The following DAB1 variants were observed in gnomAD, a reference collection of about 807,000 sequenced individuals.
The protein encoded by DAB1 is disabled homolog 1.
A neutral mutation model predicts 64.6 loss-of-function variants in DAB1; 15 were observed. That is an observed-to-expected ratio of 0.23 (90% CI 0.16 to 0.36). The LOEUF (loss-of-function observed/expected upper bound fraction) is 0.36. DAB1 is among the 10% of genes least tolerant of loss of function. The pLI, the probability that DAB1 is intolerant of heterozygous loss-of-function variation, is 1.00. For synonymous variants in DAB1, 235 were observed against 251.9 expected, an observed-to-expected ratio of 0.93 and a Z score of 0.64; for missense variants, 596 against 706.7, an observed-to-expected ratio of 0.84 and a Z score of 1.78.
At chr1:57,449,158 TC>T (rs1317249374) in intron 7 of DAB1, among the ~76,000 whole-genome samples, 2 of 152,088 alleles carry the variant, frequency 1.3e-5, no homozygotes, top group Non-Finnish European at 2.9e-5. Flanking sequence ...AACATAATGA[TC>T]CCACACTTCA....
At chr1:57,029,385 C>T (rs769008471) in intron 9 of DAB1, among the ~76,000 whole-genome samples, 2 of 152,204 alleles carry the variant, frequency 1.3e-5, no homozygotes, top group Non-Finnish European at 2.9e-5. Context: ...AGGAAAACTC[C>T]TGCTAGGGCA....
chr1:57,594,659 T>A (rs1055912764), intron 7 of DAB1, among the ~76,000 whole-genome samples: 7 of 152,162 alleles, frequency 4.6e-5, no homozygotes, highest in African/African-American at 1.4e-4. Context: ...AAATTTTCAA[T>A]CCAAGACGTT....
At chr1:57,556,695 T>C (rs765947344) in intron 7 of DAB1, among the ~76,000 whole-genome samples, 2 of 152,174 alleles carry the variant, frequency 1.3e-5, no homozygotes, top group Non-Finnish European at 2.9e-5. Context: ...TTGTTAGACA[T>C]ACAGATTGTG....
At chr1:58,050,513 T>G (rs1178120090) in intron 5 of DAB1, among the ~76,000 whole-genome samples, 1 of 152,054 alleles carries the variant, frequency 6.6e-6, no homozygotes, top group Non-Finnish European at 1.5e-5. Context: ...ATTAACCTCA[T>G]TGCTTTATTT....
At chr1:57,534,546 A>G (rs1264257612) in intron 7 of DAB1, among the ~76,000 whole-genome samples, 2 of 152,188 alleles carry the variant, frequency 1.3e-5, no homozygotes, top group African/African-American at 4.8e-5. Flanking sequence ...ATACTTGACC[A>G]TAGGCATCAC....
chr1:57,488,862 G>T (rs969355359), intron 7 of DAB1, among the ~76,000 whole-genome samples: 1 of 151,860 alleles, frequency 6.6e-6, no homozygotes, highest in Non-Finnish European at 1.5e-5. Flanking sequence ...TAATAATATC[G>T]ATTTTGAAGT....
intron 4 of DAB1, among the ~76,000 whole-genome samples, chr1:57,078,719 G>A (rs1652211514): frequency 6.6e-6 from 1 of 152,142 alleles, no homozygotes; most frequent in South Asian, 2.1e-4. Flanking sequence ...GCCATTATAG[G>A]TGTTTTGTTA....
At chr1:57,656,352 TTGTG>T (rs148466319) in intron 6 of DAB1, among the ~76,000 whole-genome samples, 1 of 151,756 alleles carries the variant, frequency 6.6e-6, no homozygotes, top group South Asian at 2.1e-4. Context: ...GCAAAAGTAA[TTGTG>T]TGTGTGTGTG....
At chr1:58,172,965 A>T (rs112410621) in intron 4 of DAB1, among the ~76,000 whole-genome samples, 28,913 of 152,252 alleles carry the variant, frequency 0.19, 2,944 homozygotes, top group East Asian at 0.37. Flanking sequence ...GAAATTATGG[A>T]GTTATTGCAC....
chr1:57,578,483 A>G (rs1452445006), intron 7 of DAB1, among the ~76,000 whole-genome samples: 1 of 152,200 alleles, frequency 6.6e-6, no homozygotes, highest in Non-Finnish European at 1.5e-5. Flanking sequence ...CAGGCTGGAC[A>G]CTTATCTTCA....
intron 3 of DAB1, among the ~76,000 whole-genome samples, chr1:58,443,114 C>T (rs2100272623): frequency 6.6e-6 from 1 of 152,290 alleles, no homozygotes; most frequent in South Asian, 2.1e-4. Context: ...TGCATCCAGC[C>T]CCTGCCACTT....
chr1:58,238,896 C>T (rs1660166784), intron 4 of DAB1, among the ~76,000 whole-genome samples: 1 of 152,162 alleles, frequency 6.6e-6, no homozygotes, highest in African/African-American at 2.4e-5. Context: ...AACAGATACA[C>T]TTACATGAGG....
chr1:57,599,257 C>T (rs1266249743), intron 7 of DAB1, among the ~76,000 whole-genome samples: 1 of 151,142 alleles, frequency 6.6e-6, no homozygotes, highest in South Asian at 2.1e-4. Context: ...AGTGAAATGA[C>T]CTATGAGCAA....
intron 7 of DAB1, among the ~76,000 whole-genome samples, chr1:57,430,990 A>G (rs1397426496): frequency 6.6e-6 from 1 of 152,020 alleles, no homozygotes; most frequent in Non-Finnish European, 1.5e-5. Flanking sequence ...GATGAACGCT[A>G]TGACAATGCC....
At chr1:57,868,826 A>G (rs1654414765) in intron 1 of DAB1, among the ~76,000 whole-genome samples, 1 of 152,058 alleles carries the variant, frequency 6.6e-6, no homozygotes, top group Admixed American at 6.6e-5. Flanking sequence ...ACTCTTCCTT[A>G]TTGGTACCCA....
At chr1:57,516,625 A>T (rs1203566130) in intron 7 of DAB1, among the ~76,000 whole-genome samples, 1 of 152,144 alleles carries the variant, frequency 6.6e-6, no homozygotes, top group Non-Finnish European at 1.5e-5. Context: ...TTTCCTACAG[A>T]ATGAAGTTCA....
At chr1:57,732,290 G>A (rs1277979235) in intron 6 of DAB1, among the ~76,000 whole-genome samples, 1 of 152,192 alleles carries the variant, frequency 6.6e-6, no homozygotes, top group African/African-American at 2.4e-5. Flanking sequence ...GTGTGGTAAA[G>A]GAAAGGGGGA....
intron 7 of DAB1, among the ~76,000 whole-genome samples, chr1:57,457,307 T>G (rs557104667): frequency 1.3e-5 from 2 of 152,150 alleles, no homozygotes; most frequent in African/African-American, 4.8e-5. Context: ...GTTAGAGAAA[T>G]CTGACCAGCA....
At chr1:57,353,710 G>C (rs1678816179) in intron 1 of DAB1, among the ~76,000 whole-genome samples, 1 of 152,134 alleles carries the variant, frequency 6.6e-6, no homozygotes, top group Non-Finnish European at 1.5e-5. Flanking sequence ...TGAGTCTAAA[G>C]CTGGTGGACT....
Sources: gnomAD v4.1 joint callset for allele counts (sites outside exome capture counted in the v4.1 genomes callset) on GRCh38, gnomAD v4.1.1 for gene constraint, MANE v1.5 for transcripts, NCBI Gene and HGNC (gene_info 2026-07-23, HGNC 2026-07-21) for gene names.